The following HDAC9 variants were observed in gnomAD, a reference collection of about 807,000 sequenced individuals.
The protein encoded by HDAC9 is MEF-2 interacting transcription repressor (MITR) protein.
Under a neutral mutation model 139.4 loss-of-function variants are expected in HDAC9, and 41 were observed. That is an observed-to-expected ratio of 0.29 (90% CI 0.23 to 0.38). The LOEUF is 0.38. Among genes scored for constraint, HDAC9 ranks in the 10% least tolerant of loss-of-function variants. The pLI is 1.00. For missense variants in HDAC9, 1,147 were observed against 1,297.0 expected, an observed-to-expected ratio of 0.88 and a Z score of 1.78; for synonymous variants, 517 against 476.2, an observed-to-expected ratio of 1.09 and a Z score of -1.12.
At chr7:18,103,817 T>C (rs1484393115) in intron 1 of HDAC9, among the ~76,000 whole-genome samples, 7 of 148,498 alleles carry the variant, frequency 4.7e-5, no homozygotes, top group Non-Finnish European at 8.9e-5. Context: ...ATATTTCTAA[T>C]ATAAAACATC....
intron 25 of HDAC9, among the ~76,000 whole-genome samples, chr7:18,990,694 A>C: frequency 6.6e-6 from 1 of 152,258 alleles, no homozygotes; most frequent in East Asian, 1.9e-4. Flanking sequence ...GCTAGCAGTC[A>C]GCGAGATTCT....
intron 1 of HDAC9, among the ~76,000 whole-genome samples, chr7:18,361,759 A>T (rs1329805426): frequency 6.6e-6 from 1 of 152,112 alleles, no homozygotes; most frequent in African/African-American, 2.4e-5. Flanking sequence ...AATTTTCCAA[A>T]TTGTCCATAG....
At chr7:18,830,054 A>G (rs1449901341) in intron 19 of HDAC9, among the ~76,000 whole-genome samples, 1 of 152,124 alleles carries the variant, frequency 6.6e-6, no homozygotes, top group Admixed American at 6.5e-5. Flanking sequence ...CTCTGCAGGA[A>G]CCCTGAGTGA....
At position 18,759,333 on chromosome 7, in the gene HDAC9, T is replaced by A. The variant is rs1789167060; in HGVS notation, c.2044-2824T>A. 2.0e-5 allele frequency among the ~76,000 whole-genome samples: 3 copies of A among 152,152 alleles called. No individual in the cohort carries two copies. In the South Asian group the frequency reaches 6.2e-4, roughly 32 times the overall value. On this transcript the variant is annotated intron_variant, in intron 14 of 25. Transcript: ENST00000686413. ...GTGAAGCTTCATCTGTATTTTCAGC[T>A]GCTCCCTGTTGCTTGCATTACCGTC...
intron 14 of HDAC9, among the ~76,000 whole-genome samples, chr7:18,761,707 G>A (rs1789407247): frequency 6.6e-6 from 1 of 152,158 alleles, no homozygotes; most frequent in Admixed American, 6.6e-5. Flanking sequence ...TAGCGTATCT[G>A]TGATCATCAA....
chr7:18,867,189 G>A (rs1226488141), intron 21 of HDAC9, among the ~76,000 whole-genome samples: 1 of 152,184 alleles, frequency 6.6e-6, no homozygotes, highest in East Asian at 1.9e-4. Context: ...TTCAAGAAGA[G>A]CATGACAGAA....
At chr7:18,408,310 C>G (rs78817972) in intron 1 of HDAC9, among the ~76,000 whole-genome samples, 3,234 of 152,210 alleles carry the variant, frequency 0.021, 127 homozygotes, top group East Asian at 0.18. Flanking sequence ...ATAGAAGGCA[C>G]TCAATGAAGG....
intron 1 of HDAC9, among the ~76,000 whole-genome samples, chr7:18,375,505 A>G: frequency 6.6e-6 from 1 of 152,042 alleles, no homozygotes; most frequent in East Asian, 1.9e-4. Flanking sequence ...ACAAAAGAGA[A>G]TTTATATAAT....
intron 22 of HDAC9, among the ~76,000 whole-genome samples, chr7:18,926,210 G>T (rs1197217426): frequency 2.0e-5 from 3 of 152,100 alleles, no homozygotes; most frequent in Admixed American, 2.0e-4. Flanking sequence ...AATTAGTAGG[G>T]TGTGGTAGTG....
chr7:18,824,047 A>AG (rs1795203546), intron 17 of HDAC9, among the ~76,000 whole-genome samples: 1 of 133,362 alleles, frequency 7.5e-6, no homozygotes, highest in Non-Finnish European at 1.6e-5. Flanking sequence ...AGGAAGAGGA[A>AG]GAAGAAGAAG....
rs1462481601 is a variant in HDAC9, at chr7:18,631,423, C to T, written c.796+1942C>T. Among the ~76,000 whole-genome samples the T allele has an allele frequency of 3.3e-5, 5 of 152,028 alleles. No homozygotes were observed. In the East Asian group the frequency reaches 7.7e-4, roughly 23 times the overall value. On this transcript the variant is annotated intron_variant, in intron 7 of 25. Coordinates refer to ENST00000686413, the MANE Select transcript of HDAC9 (RefSeq NM_178425.4). Reference sequence around the variant, plus strand: ...ACTACTGACACACAGCTGTCTTCACCTGTACTCCTTCCCATTGCTCTGCCA... The same window carrying T: ...ACTACTGACACACAGCTGTCTTCACTTGTACTCCTTCCCATTGCTCTGCCA...
chr7:18,700,595 A>G (rs950675051), intron 12 of HDAC9, among the ~76,000 whole-genome samples: 5 of 152,226 alleles, frequency 3.3e-5, no homozygotes, highest in African/African-American at 1.2e-4. Context: ...AAATCAGCCC[A>G]AAACATAATG....
In HDAC9 at chr7:18,455,907, T is replaced by G. The variant is rs151184228; in HGVS notation, c.-41-40355T>G. On this transcript the variant is annotated intron_variant, in intron 1 of 3. Coordinates refer to the HDAC9 transcript ENST00000413509. ...AATTAGTGCCAACCTTGACATCAGC[T>G]ATAACCAGAAAACATTGAAACCAAA... Among the ~76,000 whole-genome samples, 178 of 152,302 alleles carry G rather than the reference T, an allele frequency of 1.2e-3. 1 individual carries two copies. Among genetic ancestry groups the G allele is most frequent in the African/African-American group, 3.9e-3 (164 of 41,578 alleles).
chr7:18,558,912 G>A (rs1819704887), intron 2 of HDAC9, among the ~76,000 whole-genome samples: 1 of 152,200 alleles, frequency 6.6e-6, no homozygotes, highest in Admixed American at 6.5e-5. Context: ...CCCAGCTTTT[G>A]TGTTCCATAG....
At chr7:18,558,110 G>GAT (rs1054282689) in intron 2 of HDAC9, among the ~76,000 whole-genome samples, 5 of 152,030 alleles carry the variant, frequency 3.3e-5, no homozygotes, top group African/African-American at 1.2e-4. Context: ...CCAGTTATAG[G>GAT]ATACAGCTTT....
At chr7:18,856,231 T>G (rs532552446) in intron 21 of HDAC9, among the ~76,000 whole-genome samples, 3 of 152,150 alleles carry the variant, frequency 2.0e-5, no homozygotes, top group Non-Finnish European at 4.4e-5. Flanking sequence ...GATTAGATTT[T>G]TATAACTGCA....
intron 16 of HDAC9, among the ~76,000 whole-genome samples, chr7:18,767,389 G>C (rs1585001732): frequency 6.6e-6 from 1 of 152,178 alleles, no homozygotes; most frequent in East Asian, 1.9e-4. Flanking sequence ...CAAGAGCAAG[G>C]CCCTTCTAAC....
At chr7:18,982,532 G>A (rs943123335) in intron 25 of HDAC9, among the ~76,000 whole-genome samples, 3 of 151,658 alleles carry the variant, frequency 2.0e-5, no homozygotes, top group East Asian at 3.9e-4. Flanking sequence ...ACATGCACAC[G>A]TTCTAAGATT....
intron 21 of HDAC9, among the ~76,000 whole-genome samples, chr7:18,859,510 C>T (rs969692660): frequency 1.3e-5 from 2 of 151,008 alleles, no homozygotes; most frequent in Non-Finnish European, 2.9e-5. Flanking sequence ...ACTAAATGAG[C>T]TTGCCTTTTG....
Sources: allele counts gnomAD v4.1 joint callset (sites outside exome capture counted in the v4.1 genomes callset), GRCh38; gene constraint gnomAD v4.1.1; transcripts MANE v1.5; gene names NCBI Gene and HGNC (gene_info 2026-07-23, HGNC 2026-07-21).